Variants in FAM210A observed in about 807,000 individuals in gnomAD.
FAM210A encodes the protein mitochondrial inner membrane scaffold 1, also known as family with sequence similarity 210 member A.
Under a neutral mutation model 25.3 loss-of-function variants are expected in FAM210A, and 13 were observed. The observed-to-expected ratio is 0.51, with a 90% CI of 0.33 to 0.82. The LOEUF is 0.82. FAM210A is among the 40% of genes least tolerant of loss of function. The pLI, the probability that FAM210A is intolerant of heterozygous loss-of-function variation, is 0.02. For missense variants in FAM210A, 319 were observed against 323.2 expected, an observed-to-expected ratio of 0.99 and a Z score of 0.10; for synonymous variants, 125 against 118.7, an observed-to-expected ratio of 1.05 and a Z score of -0.35.
chr18:13,719,168 A>T (rs1443836665), intron 1 of FAM210A, among the ~76,000 whole-genome samples: 2 of 152,156 alleles, frequency 1.3e-5, no homozygotes, highest in Admixed American at 6.5e-5. Flanking sequence ...TACATTGCAA[A>T]CCCATCACTG....
At chr18:13,721,102 C>T (rs567739629) in intron 1 of FAM210A, among the ~76,000 whole-genome samples, 3 of 152,034 alleles carry the variant, frequency 2.0e-5, no homozygotes, top group Non-Finnish European at 2.9e-5. Flanking sequence ...GCTAGGAATC[C>T]AATACATAAA....
chr18:13,718,815 C>T (rs919291815), intron 1 of FAM210A, among the ~76,000 whole-genome samples: 2 of 151,966 alleles, frequency 1.3e-5, no homozygotes, highest in African/African-American at 2.4e-5. Context: ...CCAAGTAAAT[C>T]GCAATAGAAC....
At chr18:13,704,319 T>C (rs1601962197) in intron 1 of FAM210A, among the ~76,000 whole-genome samples, 2 of 152,160 alleles carry the variant, frequency 1.3e-5, no homozygotes, top group African/African-American at 2.4e-5. Flanking sequence ...AAAACTAATC[T>C]TGCAAAAAGA....
intron 1 of FAM210A, among the ~76,000 whole-genome samples, chr18:13,724,566 C>T (rs2149073347): frequency 6.6e-6 from 1 of 152,288 alleles, no homozygotes; most frequent in African/African-American, 2.4e-5. Context: ...GGAAAAATAA[C>T]ACCAATGGTA....
chr18:13,695,744 G>A (rs1434462380), intron 1 of FAM210A, among the ~76,000 whole-genome samples: 1 of 151,830 alleles, frequency 6.6e-6, no homozygotes, highest in Non-Finnish European at 1.5e-5. Context: ...GATAGCATTA[G>A]GAGATATACC....
At chr18:13,706,241 G>A (rs1312161414) in intron 1 of FAM210A, among the ~76,000 whole-genome samples, 2 of 152,002 alleles carry the variant, frequency 1.3e-5, no homozygotes, top group Non-Finnish European at 2.9e-5. Flanking sequence ...TGGCATCCTT[G>A]ATGTGAACAG....
At chr18:13,674,938 T>A (rs866077047) in intron 2 of FAM210A, among the ~76,000 whole-genome samples, 1 of 84,860 alleles carries the variant, frequency 1.2e-5, no homozygotes, top group African/African-American at 3.9e-5. Flanking sequence ...TCCTGAGCCG[T>A]GACTTATTTC....
rs756626265 is a variant in FAM210A at position 13,671,874 on chromosome 18, A to G, written c.573T>C (p.Tyr191=). 5 of 1,611,758 alleles carry G rather than the reference A, an allele frequency of 3.1e-6. No homozygotes were observed. Among genetic ancestry groups the G allele is most frequent in the Non-Finnish European group, 4.2e-6 (5 of 1,178,044 alleles). ...TTACAGTACCCACCTTAAACAAGGC[A>G]TATGCTGTGAGGGCATTTCCACTCT... is the stretch of plus-strand genomic sequence containing the variant. ...NSQSGNALTA[Y]ALFKIATPAR... The change falls in exon 3 of 4, where the codon TAT becomes TAC. Residue 191 remains tyrosine, a synonymous_variant. Coordinates refer to ENST00000651643, the MANE Select transcript of FAM210A (RefSeq NM_152352.4).
At chr18:13,709,002 A>C (rs1417189516) in intron 1 of FAM210A, among the ~76,000 whole-genome samples, 3 of 152,218 alleles carry the variant, frequency 2.0e-5, no homozygotes, top group African/African-American at 7.2e-5. Flanking sequence ...AAAACAACAG[A>C]GTAAAATAAT....
intron 1 of FAM210A, among the ~76,000 whole-genome samples, chr18:13,704,255 G>A (rs763420742): frequency 6.6e-6 from 1 of 151,972 alleles, no homozygotes; most frequent in Non-Finnish European, 1.5e-5. Flanking sequence ...AGGGTGAAGG[G>A]GTTTTTTAAT....
chr18:13,700,327 C>G (rs2043728903), intron 1 of FAM210A, among the ~76,000 whole-genome samples: 3 of 152,254 alleles, frequency 2.0e-5, no homozygotes, highest in Admixed American at 2.0e-4. Context: ...GATGCATGCA[C>G]TGGTGCACTC....
At chr18:13,697,023 A>G (rs2043700004) in intron 1 of FAM210A, among the ~76,000 whole-genome samples, 1 of 152,208 alleles carries the variant, frequency 6.6e-6, no homozygotes. Flanking sequence ...TTTAGACAGA[A>G]AAATATTTAC....
Position 13,695,503 on chromosome 18 carries a change from G to A in FAM210A, c.-28-13398C>T, listed in dbSNP as rs368292434. 5.9e-5 allele frequency among the ~76,000 whole-genome samples: 9 copies of A among 152,288 alleles called. No homozygotes were observed. The East Asian group carries it at 9.6e-4, about 16-fold the overall frequency. On this transcript the variant is annotated intron_variant, in intron 1 of 3. Transcript: ENST00000651643. ...CGATAGACTGGATTAAGAAAATGTG[G>A]CACATATACACCATGGAATACTATG... is the stretch of plus-strand genomic sequence containing the variant.
rs2043377812 is a variant in FAM210A, at chr18:13,663,634, G to A, written c.*2846C>T. On this transcript the variant is annotated 3_prime_UTR_variant, in exon 4 of 4. Coordinates refer to ENST00000651643, the MANE Select transcript of FAM210A (RefSeq NM_152352.4). ...TCAGTCCTAGCTCCCTCCCCACCCG[G>A]TCAACACACCTCGCATAAATGCAGA... is the stretch of plus-strand genomic sequence containing the variant. The A allele has an allele frequency of 6.6e-6, 1 of 151,914 alleles. No individual in the cohort carries two copies. Among genetic ancestry groups the A allele is most frequent in the Non-Finnish European group, 1.5e-5 (1 of 67,976 alleles). The allele number at this position is 151,914 out of a possible 1,614,324, so 9.4% of individuals were successfully genotyped here. A position where few individuals can be genotyped will look rare whatever the true frequency, so the allele number is the denominator to read the frequency against.
At chr18:13,710,133 G>A (rs1418693177) in intron 1 of FAM210A, 1 of 152,200 alleles carries the variant, frequency 6.6e-6, no homozygotes, top group African/African-American at 2.4e-5. Context: ...AAGGCCACAA[G>A]ATTAGAATTA....
At chr18:13,703,889 G>T (rs1472133603) in intron 1 of FAM210A, among the ~76,000 whole-genome samples, 4 of 152,178 alleles carry the variant, frequency 2.6e-5, no homozygotes, top group African/African-American at 4.8e-5. Flanking sequence ...AAATTGTGCA[G>T]GTCAGATATT....
chr18:13,699,088 T>A (rs965843220), intron 1 of FAM210A, among the ~76,000 whole-genome samples: 16 of 152,202 alleles, frequency 1.1e-4, no homozygotes, highest in African/African-American at 3.9e-4. Context: ...ATTACAGGCG[T>A]GAGCCACCGC....
intron 2 of FAM210A, among the ~76,000 whole-genome samples, chr18:13,672,704 A>C: frequency 6.6e-6 from 1 of 152,228 alleles, no homozygotes; most frequent in East Asian, 1.9e-4. Context: ...CACAGTGCCC[A>C]GCCAATTACA....
chr18:13,703,545 T>C (rs1051895022), intron 1 of FAM210A, among the ~76,000 whole-genome samples: 25 of 152,188 alleles, frequency 1.6e-4, no homozygotes, highest in African/African-American at 5.3e-4. Flanking sequence ...TGTGCCTGCT[T>C]GTTAGGCACT....
Sources: gnomAD v4.1 joint callset for allele counts (sites outside exome capture counted in the v4.1 genomes callset) on GRCh38, gnomAD v4.1.1 for gene constraint, MANE v1.5 for transcripts, NCBI Gene and HGNC (gene_info 2026-07-23, HGNC 2026-07-21) for gene names.